DDX11: variants seen among roughly 807,000 people sequenced by gnomAD.
The protein encoded by DDX11 is ATP-dependent DNA helicase DDX11.
In DDX11, 72 loss-of-function variants were observed where a neutral mutation model predicts 125.2. The ratio of observed to expected loss-of-function variants is 0.58; its 90% CI spans 0.48 to 0.70. DDX11 has a LOEUF of 0.70. Ranked by LOEUF, DDX11 falls within the 30% of genes least tolerant of loss-of-function variation. The pLI is 0.00. For synonymous variants in DDX11, 347 were observed against 452.6 expected, an observed-to-expected ratio of 0.77 and a Z score of 2.96; for missense variants, 883 against 1,165.0, an observed-to-expected ratio of 0.76 and a Z score of 3.52.
chr12:31,084,803 G>A, intron 4 of DDX11, 134 bp downstream of exon 4: 1 of 1,010,890 alleles, frequency 9.9e-7, no homozygotes. Context: ...TACAGAAGCT[G>A]GGCTGTGAGT....
chr12:31,090,789 T>C (rs536687172), intron 9 of DDX11, among the ~76,000 whole-genome samples: 1 of 152,338 alleles, frequency 6.6e-6, no homozygotes, highest in East Asian at 1.9e-4. Flanking sequence ...TTCAGGGAAC[T>C]AAGTAACCAT....
At chr12:31,085,952 G>A (rs1943052001) in intron 5 of DDX11, 3 of 448,440 alleles carry the variant, frequency 6.7e-6, no homozygotes, top group African/African-American at 6.0e-5. Context: ...CTGTCGGAGG[G>A]TAACTGCAAG....
chr12:31,074,117 A>G (rs1940345851), intron 1 of DDX11, 26 bp downstream of exon 1: 1 of 152,180 alleles, frequency 6.6e-6, no homozygotes, highest in African/African-American at 2.4e-5. Flanking sequence ...GGAGCGGGAA[A>G]ACATTCCGGA....
intron 5 of DDX11, among the ~76,000 whole-genome samples, chr12:31,085,799 A>G (rs1314468667): frequency 4.6e-5 from 7 of 152,140 alleles, no homozygotes. Context: ...TGGAGGGGAC[A>G]GTTAATAGAC....
At chr12:31,102,608 T>A in intron 23 of DDX11, 81 bp downstream of exon 23, 1 of 1,349,338 alleles carries the variant, frequency 7.4e-7, no homozygotes, top group Non-Finnish European at 1.1e-6. Flanking sequence ...CTGCCTGCTC[T>A]CTGCTGCCAT....
intron 20 of DDX11, chr12:31,101,416 G>C: frequency 1.9e-6 from 1 of 537,938 alleles, no homozygotes; most frequent in Non-Finnish European, 3.4e-6. Context: ...GTTCCCTTTG[G>C]CTCTCTTGCC....
intron 1 of DDX11, 181 bp from the exon 2 acceptor site, chr12:31,078,209 T>C (rs892241192): frequency 2.3e-5 from 35 of 1,534,810 alleles, no homozygotes; most frequent in Admixed American, 5.9e-5. Context: ...AGTGCGTGAT[T>C]CTGGTATGGC....
chr12:31,102,117 G>A (rs1377877902), intron 21 of DDX11, 126 bp from the exon 22 acceptor site: 4 of 1,214,882 alleles, frequency 3.3e-6, no homozygotes, highest in Non-Finnish European at 4.6e-6. Flanking sequence ...GACTACAGAG[G>A]ATTTCCCCCA....
intron 12 of DDX11, 187 bp from the exon 13 acceptor site, chr12:31,094,403 G>A: frequency 1.0e-6 from 1 of 986,980 alleles, no homozygotes; most frequent in Non-Finnish European, 1.5e-6. Flanking sequence ...TCAGACATGG[G>A]AGGCTCCTGG....
intron 5 of DDX11, chr12:31,085,881 G>C: frequency 2.8e-6 from 1 of 360,252 alleles, no homozygotes; most frequent in South Asian, 2.0e-5. Flanking sequence ...GATGTGGATG[G>C]GGTGGGGGGC....
chr12:31,102,346 G>C lies in DDX11; in HGVS notation c.2271+35G>C. ...TCATGCTGGGCTTGGGTCTGAGATCGTGTGGGGGTGGCAGCTGGAAACGTT... is the reference window on the plus strand; with the variant it reads ...TCATGCTGGGCTTGGGTCTGAGATCCTGTGGGGGTGGCAGCTGGAAACGTT... On this transcript the variant is annotated intron_variant, in intron 22 of 26. Coordinates refer to ENST00000542838, the MANE Select transcript of DDX11 (RefSeq NM_030653.4). The C allele has an allele frequency of 3.7e-6, 6 of 1,609,276 alleles. No homozygotes were observed. The Middle Eastern group carries it at 5.0e-4, about 133-fold the overall frequency.
intron 2 of DDX11, among the ~76,000 whole-genome samples, chr12:31,081,027 G>A (rs183856883): frequency 6.6e-6 from 1 of 152,172 alleles, no homozygotes; most frequent in East Asian, 1.9e-4. Flanking sequence ...TTACAGGCAT[G>A]AGCCACTGTA....
At chr12:31,083,689 G>A in intron 2 of DDX11, 124 bp from the exon 3 acceptor site, 3 of 1,261,478 alleles carry the variant, frequency 2.4e-6, no homozygotes, top group Non-Finnish European at 3.4e-6. Context: ...TTCCTAGGCT[G>A]GTCTTAGAGC....
chr12:31,078,902 T>C (rs1207490290), intron 2 of DDX11, among the ~76,000 whole-genome samples: 1 of 152,174 alleles, frequency 6.6e-6, no homozygotes, highest in Non-Finnish European at 1.5e-5. Flanking sequence ...TTAGCCAGGA[T>C]GATCTCAGTC....
intron 1 of DDX11, among the ~76,000 whole-genome samples, chr12:31,077,456 G>C (rs539841385): frequency 6.6e-6 from 1 of 152,234 alleles, no homozygotes; most frequent in Admixed American, 6.5e-5. Context: ...AAAGCTCATA[G>C]GTCTAGAGGC....
intron 14 of DDX11, among the ~76,000 whole-genome samples, chr12:31,095,706 C>T (rs557165213): frequency 1.2e-3 from 178 of 151,744 alleles, no homozygotes; most frequent in Middle Eastern, 6.8e-3. Context: ...GCCGTCCCTG[C>T]GCTTCTCCCA....
chr12:31,101,539 C>T, intron 20 of DDX11: 1 of 510,744 alleles, frequency 2.0e-6, no homozygotes, highest in East Asian at 3.7e-5. Flanking sequence ...CATCAGGACC[C>T]TGGACAGAAG....
At chr12:31,082,500 G>A (rs1227099495) in intron 2 of DDX11, among the ~76,000 whole-genome samples, 1 of 152,098 alleles carries the variant, frequency 6.6e-6, no homozygotes, top group Non-Finnish European at 1.5e-5. Context: ...CCTGCGCCGC[G>A]CTGCTGCCCC....
At chr12:31,099,076 C>CTTTTT (rs1945864738) in intron 18 of DDX11, among the ~76,000 whole-genome samples, 5 of 60,550 alleles carry the variant, frequency 8.3e-5, no homozygotes, top group Non-Finnish European at 1.2e-4. Context: ...GTATTTCTTT[C>CTTTTT]TTTCTTTCTT....
Sources: gnomAD v4.1 joint callset for allele counts (sites outside exome capture counted in the v4.1 genomes callset) on GRCh38, gnomAD v4.1.1 for gene constraint, MANE v1.5 for transcripts, NCBI Gene and HGNC (gene_info 2026-07-23, HGNC 2026-07-21) for gene names.